The following URB1 variants were observed in gnomAD, a reference collection of about 807,000 sequenced individuals.
URB1 encodes URB1 ribosome biogenesis factor.
Under a neutral mutation model 242.3 loss-of-function variants are expected in URB1, and 197 were observed. That is an observed-to-expected ratio of 0.81 (90% CI 0.72 to 0.91). URB1 has a LOEUF of 0.91. Among genes scored for constraint, URB1 ranks in the 40% least tolerant of loss-of-function variants. The pLI, the probability that URB1 is intolerant of heterozygous loss-of-function variation, is 0.00. For missense variants in URB1, 2,721 were observed against 2,860.5 expected, an observed-to-expected ratio of 0.95 and a Z score of 1.11; for synonymous variants, 1,153 against 1,201.8, an observed-to-expected ratio of 0.96 and a Z score of 0.84.
At chr21:32,334,655 C>T (rs1003457556) in intron 28 of URB1, among the ~76,000 whole-genome samples, 2 of 152,048 alleles carry the variant, frequency 1.3e-5, no homozygotes, top group African/African-American at 4.8e-5. Flanking sequence ...ATTATTATAC[C>T]CCTTGTGCAA....
rs761438864 is a variant in URB1, at chr21:32,311,732, C to T, written c.*3186G>A. 7.4e-6 allele frequency: 12 copies of T among 1,613,980 alleles called. No individual in the cohort carries two copies. The African/African-American group carries it at 1.3e-4, about 18-fold the overall frequency. ...CATGCCCCTGGAGTCACGGCCTCAA[C>T]CTCCACCTCTGCATCCAGAAGTGCC... is the stretch of plus-strand genomic sequence containing the variant. On this transcript the variant is annotated 3_prime_UTR_variant, in exon 39 of 39. Coordinates refer to ENST00000382751, the MANE Select transcript of URB1 (RefSeq NM_014825.3).
At chr21:32,346,063 G>A (rs1291372059) in intron 22 of URB1, among the ~76,000 whole-genome samples, 1 of 152,140 alleles carries the variant, frequency 6.6e-6, no homozygotes, top group Non-Finnish European at 1.5e-5. Context: ...CAGTCCTTGT[G>A]GTAGAGTGAA....
intron 6 of URB1, among the ~76,000 whole-genome samples, chr21:32,374,933 T>TA (rs2033443142): frequency 6.6e-6 from 1 of 152,222 alleles, no homozygotes; most frequent in Non-Finnish European, 1.5e-5. Context: ...GGGAGGGTCA[T>TA]AGTTTTTCTT....
intron 1 of URB1, among the ~76,000 whole-genome samples, chr21:32,390,832 A>G (rs965151348): frequency 1.3e-5 from 2 of 152,328 alleles, no homozygotes; most frequent in African/African-American, 4.8e-5. Context: ...ATCTAGAACT[A>G]GAAATACCAT....
In URB1 at chr21:32,392,821, G is replaced by A; in HGVS notation, c.90C>T (p.Leu30=). The part of the protein sequence containing the change: ...GAAKRARKEE[L]TGVRFKAQLK... ...GCTGAGCCTTGAACCGCACGCCCGT[G>A]AGCTCTTCTTTGCGGGCGCGCTTGG... Residue 30 remains leucine, a synonymous_variant, in exon 1 of 39, where the codon CTC becomes CTT. Transcript: ENST00000382751. The A allele has an allele frequency of 6.5e-7, 1 of 1,532,398 alleles. No homozygotes were observed. Among genetic ancestry groups the A allele is most frequent in the Admixed American group, 2.0e-5 (1 of 50,750 alleles). The allele number at this position is 1,532,398 out of a possible 1,614,324, so 94.9% of individuals were successfully genotyped here. A position where few individuals can be genotyped will look rare whatever the true frequency, so the allele number is the denominator to read the frequency against.
intron 1 of URB1, among the ~76,000 whole-genome samples, chr21:32,390,387 A>AT (rs995403189): frequency 1.3e-5 from 2 of 151,854 alleles, no homozygotes; most frequent in East Asian, 3.9e-4. Flanking sequence ...GATGATGAGC[A>AT]TTTTTTCATG....
rs747768600 is a variant in URB1, at chr21:32,350,813, A to G, written c.2723T>C (p.Ile908Thr). The change falls in exon 20 of 39, where the codon ATC becomes ACC. Residue 908 changes from isoleucine (I) to threonine (T), a missense_variant. Transcript: ENST00000382751. ...YESQALRDEH[I>T]QVQLQATMPH... ...CATGGTGGCCTGCAGCTGCACCTGG[A>G]TGTGCTCGTCCCGAAGCGCTTGGCT... 1 of 1,551,324 alleles carries G rather than the reference A, an allele frequency of 6.4e-7. No individual in the cohort carries two copies. The highest frequency in any genetic ancestry group is 8.7e-7 in the Non-Finnish European group (1 of 1,146,982).
intron 33 of URB1, 139 bp from the exon 34 acceptor site, chr21:32,322,083 T>C (rs1601120715): frequency 1.0e-6 from 1 of 987,814 alleles, no homozygotes; most frequent in Non-Finnish European, 1.5e-6. Flanking sequence ...TTATGAAAAA[T>C]CCCTGATCTC....
chr21:32,338,932 T>C (rs1220177971), intron 25 of URB1, 32 bp from the exon 26 acceptor site: 2 of 1,485,906 alleles, frequency 1.3e-6, no homozygotes, highest in Non-Finnish European at 1.8e-6. Flanking sequence ...GAAAAGAGCT[T>C]TGCTAAAAGG....
chr21:32,377,863 G>A (rs1234545274), intron 5 of URB1, among the ~76,000 whole-genome samples: 1 of 152,042 alleles, frequency 6.6e-6, no homozygotes, highest in African/African-American at 2.4e-5. Context: ...GAATCTTACC[G>A]AGCAACTGCC....
chr21:32,315,083 T>C lies in URB1; in HGVS notation c.6651A>G (p.Leu2217=), dbSNP rs983139131. ...DEATQASAAF[L]VSLYIKDIWL... Reference sequence around the variant, plus strand: ...AGATGTCCTTTATGTAGAGAGACACTAGGAATGCTGCGGAGGCTGAACAAG... The same window carrying C: ...AGATGTCCTTTATGTAGAGAGACACCAGGAATGCTGCGGAGGCTGAACAAG... The change falls in exon 39 of 39, where the codon CTA becomes CTG. Residue 2217 remains leucine (L), a synonymous_variant. Transcript: ENST00000382751. The C allele has an allele frequency of 2.6e-6, 4 of 1,534,868 alleles. No individual in the cohort carries two copies. Among genetic ancestry groups the C allele is most frequent in the Admixed American group, 2.0e-5 (1 of 49,946 alleles).
rs897692482 is a variant in URB1, at chr21:32,343,184, G to GT, written c.4257+1385dup. Reference sequence around the variant, plus strand: ...ATGAGATAGACTCTGGGTAATGGGAGTTTTTTTTTTGTTTTCTTCTCTATT... The same window carrying GT: ...ATGAGATAGACTCTGGGTAATGGGAGTTTTTTTTTTTGTTTTCTTCTCTATT... On this transcript the variant is annotated intron_variant, in intron 24 of 38. Transcript: ENST00000382751. Among the ~76,000 whole-genome samples the GT allele has an allele frequency of 6.5e-3, 965 of 148,508 alleles. 10 individuals are homozygous for GT. Among genetic ancestry groups the GT allele is most frequent in the African/African-American group, 0.022 (910 of 40,622 alleles).
intron 32 of URB1, among the ~76,000 whole-genome samples, chr21:32,323,824 G>T (rs2032795523): frequency 1.3e-5 from 2 of 152,090 alleles, no homozygotes. Flanking sequence ...AATTAGCCAG[G>T]CGTGGTGGCA....
Position 32,312,275 on chromosome 21 carries a change from C to G in URB1, c.*2643G>C, listed in dbSNP as rs2032601618. The G allele has an allele frequency of 1.0e-5, 14 of 1,377,556 alleles. No individual in the cohort carries two copies. The highest frequency in any genetic ancestry group is 9.4e-7 in the Non-Finnish European group (1 of 1,063,614). The allele number at this position is 1,377,556 out of a possible 1,614,324, so 85.3% of individuals were successfully genotyped here. ...GAAGAGTAGGAAAATAAAATATATG[C>G]AAATCAAGAGGAAAAGCTGTTTGCT... On this transcript the variant is annotated 3_prime_UTR_variant, in exon 39 of 39. Transcript: ENST00000382751.
rs1239937245 is a variant in URB1, at chr21:32,347,128, G to A, written c.3696C>T (p.Ser1232=). The A allele has an allele frequency of 1.9e-6, 3 of 1,549,254 alleles. No homozygotes were observed. The highest frequency in any genetic ancestry group is 2.6e-6 in the Non-Finnish European group (3 of 1,146,318). ...TCTCCTGGAGGAGCAGGGCAGCGAT[G>A]CTGAGGGCCGCCTGTGTGCGCCGGG... ...CLARRTQAAL[S]IAALLLQESC... is the part of the protein sequence containing the mutation. The change falls in exon 22 of 39, where the codon AGC becomes AGT. Residue 1232 remains serine, a synonymous_variant. Transcript: ENST00000382751.
At chr21:32,391,959 G>GGCTGCAGTGAGCTATGATAGTGCC (rs1197376466) in intron 1 of URB1, among the ~76,000 whole-genome samples, 41 of 151,986 alleles carry the variant, frequency 2.7e-4, no homozygotes, top group Non-Finnish European at 4.4e-5. Flanking sequence ...AGAAGTTCAA[G>GGCTGCAGTGAGCTATGATAGTGCC]GCTGCAGTGA....
At position 32,352,921 on chromosome 21, in the gene URB1, G is replaced by A; in HGVS notation, c.2417-15C>T. On this transcript the variant is annotated splice_polypyrimidine_tract_variant and intron_variant, in intron 18 of 38. Transcript: ENST00000382751. Reference sequence around the variant, plus strand: ...AACGTTTTCCGCTGCAAAGGAACGAGATGCATATGGGAAGAGGCTGGCTGG... The same window carrying A: ...AACGTTTTCCGCTGCAAAGGAACGAAATGCATATGGGAAGAGGCTGGCTGG... 6.5e-7 allele frequency: 1 copy of A among 1,528,848 alleles called. No individual in the cohort carries two copies. Among genetic ancestry groups the A allele is most frequent in the Admixed American group, 2.0e-5 (1 of 49,630 alleles). 94.7% of individuals were successfully genotyped at this position (1,528,848 alleles called of 1,614,324 possible). A position where few individuals can be genotyped will look rare whatever the true frequency, so the allele number is the denominator to read the frequency against.
intron 30 of URB1, among the ~76,000 whole-genome samples, chr21:32,330,277 T>A (rs2032878975): frequency 6.7e-6 from 1 of 149,690 alleles, no homozygotes; most frequent in Non-Finnish European, 1.5e-5. Context: ...TACTTTGATA[T>A]GAATTTTTCG....
intron 1 of URB1, among the ~76,000 whole-genome samples, chr21:32,388,363 GC>G (rs2033604803): frequency 1.3e-5 from 2 of 152,168 alleles, no homozygotes; most frequent in African/African-American, 2.4e-5. Flanking sequence ...AACATAAGCA[GC>G]CCCCCGGGTG....
Sources: allele counts gnomAD v4.1 joint callset (sites outside exome capture counted in the v4.1 genomes callset), GRCh38; gene constraint gnomAD v4.1.1; transcripts MANE v1.5; gene names NCBI Gene and HGNC (gene_info 2026-07-23, HGNC 2026-07-21).